HERC2: variants seen among roughly 807,000 people sequenced by gnomAD.
HERC2 encodes the protein HECT and RLD domain containing E3 ubiquitin protein ligase 2.
A neutral mutation model predicts 537.7 loss-of-function variants in HERC2; 102 were observed. The observed-to-expected ratio is 0.19, with a 90% CI of 0.16 to 0.22. HERC2 has a LOEUF of 0.22. HERC2 is among the 10% of genes least tolerant of loss of function. HERC2 has a pLI of 1.00. For synonymous variants in HERC2, 2,224 were observed against 2,466.2 expected (o/e 0.90, Z 2.91); for missense variants, 4,236 against 6,198.2 (o/e 0.68, Z 10.63).
At chr15:28,167,912 T>TAC in intron 67 of HERC2, 85 bp from the exon 68 acceptor site, 1 of 1,388,904 alleles carries the variant, frequency 7.2e-7, no homozygotes, top group South Asian at 1.4e-5. Context: ...CCAAATGCTT[T>TAC]ACCTAAAACT....
At chr15:28,152,068 C>T (rs566685065) in intron 70 of HERC2, among the ~76,000 whole-genome samples, 4 of 152,310 alleles carry the variant, frequency 2.6e-5, no homozygotes, top group African/African-American at 9.6e-5. Flanking sequence ...CAGGAGGTGC[C>T]TGCTGAGGCT....
intron 2 of HERC2, among the ~76,000 whole-genome samples, chr15:28,304,856 C>A (rs1323547116): frequency 1.7e-5 from 2 of 115,216 alleles, no homozygotes; most frequent in South Asian, 3.6e-4. Flanking sequence ...GCTACCCCTC[C>A]CCCCTCCCCC....
chr15:28,156,355 G>C (rs1025778084), intron 69 of HERC2, among the ~76,000 whole-genome samples: 14 of 152,162 alleles, frequency 9.2e-5, no homozygotes, highest in Non-Finnish European at 1.8e-4. Context: ...ACCTTGGGCA[G>C]TATGGCCATT....
At chr15:28,319,575 A>T (rs1212459052) in intron 2 of HERC2, among the ~76,000 whole-genome samples, 1 of 137,164 alleles carries the variant, frequency 7.3e-6, no homozygotes, top group African/African-American at 2.8e-5. Flanking sequence ...ACAGAGCAAG[A>T]CTGCGTCTCA....
intron 2 of HERC2, chr15:28,320,614 G>A (rs2077204940): frequency 6.6e-6 from 1 of 151,944 alleles, no homozygotes; most frequent in Non-Finnish European, 1.5e-5. Context: ...TTAGGGAGTA[G>A]GAAAATACAG....
rs578217534 is a variant in HERC2 at position 28,296,396 on chromosome 15, C to T, written c.187+3006G>A. ...GGCTGAGGCAGAGAACTGCTTGAACCGGGGAGGCAGTGGTTGCAGTGAGCC... is the reference window on the plus strand; with the variant it reads ...GGCTGAGGCAGAGAACTGCTTGAACTGGGGAGGCAGTGGTTGCAGTGAGCC... On this transcript the variant is annotated intron_variant, in intron 3 of 92. Coordinates refer to ENST00000261609, the MANE Select transcript of HERC2 (RefSeq NM_004667.6). Among the ~76,000 whole-genome samples, 28 of 152,126 alleles carry T rather than the reference C, an allele frequency of 1.8e-4. No individual in the cohort carries two copies. The East Asian group carries it at 5.4e-3, about 29-fold the overall frequency.
At chr15:28,317,777 C>CA (rs1458565218) in intron 2 of HERC2, among the ~76,000 whole-genome samples, 1 of 152,168 alleles carries the variant, frequency 6.6e-6, no homozygotes, top group Non-Finnish European at 1.5e-5. Flanking sequence ...CACATTGTAC[C>CA]AACTTCAATT....
At chr15:28,191,331 C>A in intron 53 of HERC2, 87 bp from the exon 54 acceptor site, 1 of 799,748 alleles carries the variant, frequency 1.3e-6, no homozygotes, top group Non-Finnish European at 2.0e-6. Flanking sequence ...AAGCTTGAAT[C>A]TACATGAGAT....
chr15:28,136,435 C>T (rs1214033253), intron 78 of HERC2, among the ~76,000 whole-genome samples: 1 of 152,228 alleles, frequency 6.6e-6, no homozygotes, highest in Non-Finnish European at 1.5e-5. Context: ...GGGTGTGAGG[C>T]TCTCTGGTGC....
Position 28,220,584 on chromosome 15 carries a change from T to C in HERC2, c.5713A>G (p.Arg1905Gly). The C allele has an allele frequency of 6.2e-7, 1 of 1,602,794 alleles. No individual in the cohort carries two copies. The highest frequency in any genetic ancestry group is 8.5e-7 in the Non-Finnish European group (1 of 1,179,810). The change falls in exon 37 of 93, where the codon AGA (arginine) becomes GGA (glycine). Residue 1905 changes from arginine (R) to glycine (G), a missense_variant. Arg to Gly is a moderately radical substitution (Grantham distance 125). Around this residue, in one of 27 missense-constraint regions of HERC2, gnomAD observed 365 missense variants for 468.8 expected, o/e 0.78. Transcript: ENST00000261609. ...GTGCTGCCTGTGTCCCACTGGACTC[T>C]TATCCATCCGTCCTCTCCCAGCTCA... The part of the protein sequence containing the change: ...IGELGEDGWI[R>G]VQWDTGSTNS...
intron 2 of HERC2, among the ~76,000 whole-genome samples, chr15:28,319,793 T>C (rs2077184037): frequency 6.6e-6 from 1 of 152,150 alleles, no homozygotes; most frequent in Non-Finnish European, 1.5e-5. Context: ...AACTCATGTT[T>C]AGCAGTTATT....
chr15:28,113,382 G>A lies in HERC2; in HGVS notation c.14020-99C>T. 7.5e-7 allele frequency: 1 copy of A among 1,329,248 alleles called. No individual in the cohort carries two copies. The highest frequency in any genetic ancestry group is 1.1e-6 in the Non-Finnish European group (1 of 944,812). 82.3% of individuals were successfully genotyped at this position (1,329,248 alleles called of 1,614,324 possible). ...CTCTCTACACCAAGGCCTGTTTGGG[G>A]TGGGGAAAGGTCTGGGGGCTCTGGG... On this transcript the variant is annotated intron_variant, in intron 91 of 92. Coordinates refer to ENST00000261609, the MANE Select transcript of HERC2 (RefSeq NM_004667.6). This position sits in a 1 kb window ranked among gnomAD's most constrained non-coding sequence, Gnocchi z 7.0.
In HERC2 at chr15:28,113,502, T is replaced by G. The variant is rs928958849; in HGVS notation, c.14019+71A>C. ...CACAGGGCAAGGTTCTGACTCTAAC[T>G]GCTGTCACTGATTTGTGGGTCAGCA... is the stretch of plus-strand genomic sequence containing the variant. On this transcript the variant is annotated intron_variant, in intron 91 of 92. Coordinates refer to ENST00000261609, the MANE Select transcript of HERC2 (RefSeq NM_004667.6). The surrounding 1 kb of genome is among the most constrained non-coding windows in gnomAD (Gnocchi z 7.0). 4 of 1,342,700 alleles carry G rather than the reference T, an allele frequency of 3.0e-6. No individual in the cohort carries two copies. Among genetic ancestry groups the G allele is most frequent in the Non-Finnish European group, 4.3e-6 (4 of 935,978 alleles). 83.2% of individuals were successfully genotyped at this position (1,342,700 alleles called of 1,614,324 possible). A position where few individuals can be genotyped will look rare whatever the true frequency, so the allele number is the denominator to read the frequency against.
intron 35 of HERC2, among the ~76,000 whole-genome samples, chr15:28,227,846 A>G (rs1364236496): frequency 1.3e-5 from 2 of 152,238 alleles, no homozygotes; most frequent in Non-Finnish European, 2.9e-5. Context: ...CAAATGAAAT[A>G]ACCCAGACAC....
intron 80 of HERC2, 30 bp from the exon 81 acceptor site, chr15:28,132,291 A>C (rs1228253175): frequency 6.3e-7 from 1 of 1,579,744 alleles, no homozygotes; most frequent in East Asian, 2.3e-5. Flanking sequence ...GGGTTGGCCA[A>C]GCACAACACA....
rs1442054424 is a variant in HERC2 at position 28,201,350 on chromosome 15, C to T, written c.7716+106G>A. 12 of 747,556 alleles carry T rather than the reference C, an allele frequency of 1.6e-5. No individual in the cohort carries two copies. In the East Asian group the frequency reaches 2.6e-4, roughly 16 times the overall value. The allele number at this position is 747,556 out of a possible 1,614,324, so 46.3% of individuals were successfully genotyped here. On this transcript the variant is annotated intron_variant, in intron 48 of 92. Transcript: ENST00000261609. ...TCTTCCAGCACCAGAAGGCAGGCTC[C>T]CTGAGGGCAGGGGCCTCTGTCCACT...
intron 69 of HERC2, among the ~76,000 whole-genome samples, chr15:28,153,354 A>C (rs1892653636): frequency 6.6e-6 from 1 of 152,136 alleles, no homozygotes; most frequent in Admixed American, 6.5e-5. Context: ...ACTGCGTCTC[A>C]AACAAAAAAA....
intron 4 of HERC2, 32 bp from the exon 5 acceptor site, chr15:28,280,319 G>A (rs2075989370): frequency 3.3e-6 from 5 of 1,525,694 alleles, no homozygotes; most frequent in East Asian, 2.3e-5. Flanking sequence ...CATCTCACCT[G>A]TGGACAATGT....
At chr15:28,284,920 A>AC (rs1491185598) in intron 4 of HERC2, among the ~76,000 whole-genome samples, 5 of 33,206 alleles carry the variant, frequency 1.5e-4, no homozygotes, top group Non-Finnish European at 3.1e-4. Flanking sequence ...TCCGTCTCGG[A>AC]AAAAAAAAAA....
Sources: gnomAD v4.1 joint callset for allele counts (sites outside exome capture counted in the v4.1 genomes callset) on GRCh38, gnomAD v4.1.1 for gene constraint, gnomAD v4.1.1 regional missense constraint, Gnocchi (gnomAD v3.1) non-coding constraint, MANE v1.5 for transcripts, NCBI Gene and HGNC (gene_info 2026-07-23, HGNC 2026-07-21) for gene names.